UBOX5: variants seen among roughly 807,000 people sequenced by gnomAD.
The protein encoded by UBOX5 is U-box domain containing 5, also known as RING finger protein 37.
In UBOX5, 28 loss-of-function variants were observed where a neutral mutation model predicts 39.0. The ratio of observed to expected loss-of-function variants is 0.72; its 90% CI spans 0.53 to 0.98. The LOEUF is 0.98. Ranked by LOEUF, UBOX5 falls within the 50% of genes least tolerant of loss-of-function variation. The pLI, the probability that UBOX5 is intolerant of heterozygous loss-of-function variation, is 0.00. For synonymous variants in UBOX5, 283 were observed against 275.5 expected (o/e 1.03, Z -0.27); for missense variants, 585 against 674.4 (o/e 0.87, Z 1.47).
rs191287886 is a variant in UBOX5, at chr20:3,158,716, C to T, written c.-42+1050G>A. 1.3e-4 allele frequency among the ~76,000 whole-genome samples: 20 copies of T among 152,322 alleles called. 1 individual carries two copies. The East Asian group carries it at 2.3e-3, about 18-fold the overall frequency. ...GTCTCGATCTCCTGACCTCGTGATC[C>T]GCCCGCCTTGACCTCCCAAAGTGCT... On this transcript the variant is annotated intron_variant, in intron 1 of 4. Transcript: ENST00000217173.
chr20:3,132,958 C>CA (rs530642103), intron 1 of UBOX5, among the ~76,000 whole-genome samples: 5,933 of 122,290 alleles, frequency 0.049, 144 homozygotes, highest in African/African-American at 0.06. Context: ...CCAGTCTCTA[C>CA]AAAAAAAAAA....
intron 1 of UBOX5, among the ~76,000 whole-genome samples, chr20:3,133,172 A>C (rs857250): frequency 0.74 from 112,991 of 152,094 alleles, 43,500 homozygotes; most frequent in East Asian, 1. Context: ...TTCCGTAAGA[A>C]CCTGGTTGCT....
At chr20:3,157,041 A>C (rs2066692874) in intron 1 of UBOX5, among the ~76,000 whole-genome samples, 1 of 152,180 alleles carries the variant, frequency 6.6e-6, no homozygotes, top group Non-Finnish European at 1.5e-5. Flanking sequence ...CAGGCAGATC[A>C]CGTGAGGCCA....
At chr20:3,156,998 A>G (rs949495985) in intron 1 of UBOX5, among the ~76,000 whole-genome samples, 1 of 152,204 alleles carries the variant, frequency 6.6e-6, no homozygotes, top group Non-Finnish European at 1.5e-5. Flanking sequence ...CAGGTGGCTC[A>G]TGACCATAAT....
intron 2 of UBOX5, 113 bp downstream of exon 2, chr20:3,123,199 A>G: frequency 1.8e-6 from 2 of 1,135,712 alleles, no homozygotes; most frequent in South Asian, 2.7e-5. Flanking sequence ...ATCTAAAGTA[A>G]CAAGAGCAAA....
At position 3,156,192 on chromosome 20, in the gene UBOX5, T is replaced by C. The variant is rs1042856803; in HGVS notation, c.-42+3574A>G. On this transcript the variant is annotated intron_variant, in intron 1 of 4. Transcript: ENST00000217173. ...CTGACTCTTTTTTTTTTTTTTTTTT[T>C]TGAGACAGAGTCTTGCTCTGTTGCC... Among the ~76,000 whole-genome samples the C allele has an allele frequency of 3.9e-3, 587 of 150,938 alleles. 5 individuals are homozygous for C. Among genetic ancestry groups the C allele is most frequent in the African/African-American group, 0.014 (572 of 40,960 alleles).
intron 1 of UBOX5, chr20:3,148,179 G>C (rs6084274): frequency 5.0e-6 from 8 of 1,613,736 alleles, no homozygotes; most frequent in East Asian, 2.2e-5. Flanking sequence ...TTTTGCATTA[G>C]GTCCTGGGAT....
At chr20:3,156,410 C>T (rs1180379373) in intron 1 of UBOX5, among the ~76,000 whole-genome samples, 1 of 152,066 alleles carries the variant, frequency 6.6e-6, no homozygotes, top group Non-Finnish European at 1.5e-5. Context: ...AACTCCTGGC[C>T]TCAAGTGATC....
chr20:3,147,573 T>C, intron 1 of UBOX5: 1 of 1,614,200 alleles, frequency 6.2e-7, no homozygotes, highest in Non-Finnish European at 8.5e-7. Context: ...TGAGCTAACC[T>C]GACAAACCCT....
At chr20:3,126,018 A>G (rs1225229473) in intron 1 of UBOX5, among the ~76,000 whole-genome samples, 3 of 152,394 alleles carry the variant, frequency 2.0e-5, no homozygotes, top group Admixed American at 6.5e-5. Flanking sequence ...CTCCGAAGAG[A>G]CAGCGAACAT....
intron 1 of UBOX5, chr20:3,150,682 C>T (rs1475975580): frequency 6.6e-6 from 1 of 152,176 alleles, no homozygotes; most frequent in African/African-American, 2.4e-5. Flanking sequence ...TGCTGTCAGC[C>T]ACTTTCTTCC....
At chr20:3,114,776 G>A (rs1281040322) in intron 4 of UBOX5, among the ~76,000 whole-genome samples, 5 of 151,948 alleles carry the variant, frequency 3.3e-5, no homozygotes, top group Non-Finnish European at 4.4e-5. Context: ...GTGAAACCCC[G>A]TCTCTACTAA....
At chr20:3,124,709 T>C (rs965177961) in intron 1 of UBOX5, among the ~76,000 whole-genome samples, 8 of 117,978 alleles carry the variant, frequency 6.8e-5, no homozygotes, top group Non-Finnish European at 1.2e-4. Context: ...CTGTCTGGGA[T>C]GTGAGGAGCG....
At chr20:3,145,990 G>A (rs1382743229) in intron 1 of UBOX5, among the ~76,000 whole-genome samples, 3 of 151,242 alleles carry the variant, frequency 2.0e-5, no homozygotes, top group Non-Finnish European at 4.4e-5. Context: ...AGCTTGCAGT[G>A]AGCCAAGATC....
chr20:3,114,912 C>T (rs2066281521), intron 4 of UBOX5, among the ~76,000 whole-genome samples: 1 of 152,240 alleles, frequency 6.6e-6, no homozygotes, highest in Admixed American at 6.5e-5. Context: ...TGTGCCACTG[C>T]ACTCCAGCCT....
chr20:3,153,635 A>T (rs1382351605), intron 1 of UBOX5, among the ~76,000 whole-genome samples: 1 of 152,190 alleles, frequency 6.6e-6, no homozygotes, highest in African/African-American at 2.4e-5. Flanking sequence ...TGAACAATCT[A>T]TGGTCTTCTA....
chr20:3,142,382 C>T (rs1334508931), intron 1 of UBOX5, among the ~76,000 whole-genome samples: 1 of 151,938 alleles, frequency 6.6e-6, no homozygotes, highest in African/African-American at 2.4e-5. Context: ...GGGCAGATAA[C>T]CTGAGGTCAG....
chr20:3,152,978 G>A (rs950086657), intron 1 of UBOX5, among the ~76,000 whole-genome samples: 2 of 151,914 alleles, frequency 1.3e-5, no homozygotes. Flanking sequence ...CTGTGCCATA[G>A]TAAAGCGAAA....
At chr20:3,116,573 G>A (rs1177850056) in intron 3 of UBOX5, 2 of 152,216 alleles carry the variant, frequency 1.3e-5, no homozygotes, top group Admixed American at 6.5e-5. Context: ...CAACAGGACT[G>A]AGACCTCCAC....
Sources: gnomAD v4.1 joint callset for allele counts (sites outside exome capture counted in the v4.1 genomes callset) on GRCh38, gnomAD v4.1.1 for gene constraint, MANE v1.5 for transcripts, NCBI Gene and HGNC (gene_info 2026-07-23, HGNC 2026-07-21) for gene names.